MAP3K15: variants seen among roughly 807,000 people sequenced by gnomAD.
The protein encoded by MAP3K15 is mitogen-activated protein kinase kinase kinase 15.
A neutral mutation model predicts 99.5 loss-of-function variants in MAP3K15; 124 were observed. The observed-to-expected ratio is 1.25, with a 90% CI of 1.08 to 1.45. MAP3K15 has a LOEUF of 1.45. MAP3K15 is among the 40% of genes most tolerant of loss of function. The pLI is 0.00. For synonymous variants in MAP3K15, 494 were observed against 439.6 expected (o/e 1.12, Z -1.55); for missense variants, 1,242 against 1,079.7 (o/e 1.15, Z -2.11).
At chrX:19,382,244 CAA>C (rs1047109372) in intron 18 of MAP3K15, among the ~76,000 whole-genome samples, 622 of 31,487 alleles carry the variant, frequency 0.02, 9 homozygotes, top group African/African-American at 0.063. Context: ...ACTCAGTCTC[CAA>C]AAAAAAAAAA....
intron 3 of MAP3K15, among the ~76,000 whole-genome samples, chrX:19,484,216 G>A (rs780818229): frequency 8.9e-6 from 1 of 111,781 alleles, no homozygotes; most frequent in South Asian, 3.7e-4. Flanking sequence ...ATTATTGTCT[G>A]AACTCCACCT....
At chrX:19,398,170 T>C in intron 15 of MAP3K15, 56 bp downstream of exon 15, 1 of 1,189,023 alleles carries the variant, frequency 8.4e-7, no homozygotes, top group Non-Finnish European at 1.1e-6. Flanking sequence ...GCGGTGGGTA[T>C]GGGATCTGGG....
At chrX:19,441,926 C>T (rs937390514) in intron 6 of MAP3K15, among the ~76,000 whole-genome samples, 1 of 111,878 alleles carries the variant, frequency 8.9e-6, no homozygotes, top group Non-Finnish European at 1.9e-5. Flanking sequence ...AGACTGAGTT[C>T]ACCAAGAAAT....
intron 13 of MAP3K15, among the ~76,000 whole-genome samples, chrX:19,402,639 T>A (rs1429060673): frequency 1.8e-5 from 2 of 111,326 alleles, no homozygotes; most frequent in African/African-American, 6.5e-5. Context: ...AAGAATGAAC[T>A]GATATATACT....
rs1602324325 is a variant in MAP3K15, at chrX:19,456,717, T to C, written c.995+196A>G. Among the ~76,000 whole-genome samples, 4 of 111,838 alleles carry C rather than the reference T, an allele frequency of 3.6e-5. No individual in the cohort carries two copies. In the South Asian group the frequency reaches 1.5e-3, roughly 42 times the overall value. On this transcript the variant is annotated intron_variant, in intron 6 of 28. Coordinates refer to ENST00000338883, the MANE Select transcript of MAP3K15 (RefSeq NM_001001671.4). The stretch of plus-strand genomic sequence containing the variant: ...TGCCGTCATAAGCTATTAGGATGGA[T>C]TGATGTGTTCAATCTCACAGCTAGA...
At chrX:19,495,517 A>T (rs367712466) in intron 1 of MAP3K15, among the ~76,000 whole-genome samples, 4 of 110,345 alleles carry the variant, frequency 3.6e-5, no homozygotes, top group East Asian at 5.7e-4. Flanking sequence ...CCAGTATCAA[A>T]TTTTTTTGTA....
At chrX:19,430,595 G>A (rs2063873139) in intron 7 of MAP3K15, among the ~76,000 whole-genome samples, 1 of 111,574 alleles carries the variant, frequency 9.0e-6, no homozygotes, top group Non-Finnish European at 1.9e-5. Context: ...GAGTACTCTT[G>A]TTAAAATGCA....
At chrX:19,404,114 C>T (rs1418822895) in intron 13 of MAP3K15, among the ~76,000 whole-genome samples, 1 of 111,250 alleles carries the variant, frequency 9.0e-6, no homozygotes, top group Non-Finnish European at 1.9e-5. Context: ...ACATAGAAAA[C>T]CCTAAGGAAT....
chrX:19,378,348 C>T (rs1409531181), intron 19 of MAP3K15, among the ~76,000 whole-genome samples: 1 of 112,356 alleles, frequency 8.9e-6, no homozygotes, highest in African/African-American at 3.2e-5. Context: ...TGTTCTCATG[C>T]TGCTATGAAG....
chrX:19,440,318 G>A (rs1472376114), intron 6 of MAP3K15, among the ~76,000 whole-genome samples: 1 of 112,146 alleles, frequency 8.9e-6, no homozygotes, highest in Non-Finnish European at 1.9e-5. Flanking sequence ...ACTTAGAGTG[G>A]TCTTTGTTTC....
At position 19,460,126 on chromosome X, in the gene MAP3K15, A is replaced by G. The variant is rs774953938; in HGVS notation, c.747T>C (p.Asn249=). 1 of 1,189,529 alleles carries G rather than the reference A, an allele frequency of 8.4e-7. No homozygotes were observed. Among genetic ancestry groups the G allele is most frequent in the Admixed American group, 2.3e-5 (1 of 43,886 alleles). The change falls in exon 5 of 29, where the codon AAT becomes AAC. Residue 249 remains asparagine (N), a synonymous_variant. Coordinates refer to ENST00000338883, the MANE Select transcript of MAP3K15 (RefSeq NM_001001671.4). ...SCVYYKETLL[N]DIRKAREKYQ... Reference sequence around the variant, plus strand: ...ATTTCTCTCTGGCTTTCCGGATGTCATTTAACAAGGTTTCTTTGTAATAAA... The same window carrying G: ...ATTTCTCTCTGGCTTTCCGGATGTCGTTTAACAAGGTTTCTTTGTAATAAA...
chrX:19,455,347 CTT>C (rs776661644), intron 6 of MAP3K15, among the ~76,000 whole-genome samples: 7 of 94,576 alleles, frequency 7.4e-5, no homozygotes, highest in Admixed American at 2.3e-4. Flanking sequence ...TTTCTTTTTT[CTT>C]TTTTTTTTTT....
intron 1 of MAP3K15, among the ~76,000 whole-genome samples, chrX:19,498,153 G>A (rs112871315): frequency 6.3e-4 from 70 of 111,984 alleles, no homozygotes; most frequent in African/African-American, 2.2e-3. Flanking sequence ...TCCTAATGTA[G>A]TTATTCCAAT....
intron 7 of MAP3K15, 147 bp downstream of exon 7, chrX:19,431,291 T>G (rs1052055442): frequency 2.8e-5 from 14 of 500,815 alleles, no homozygotes; most frequent in Non-Finnish European, 4.3e-5. Flanking sequence ...AAAGGGAATC[T>G]GAAAATTCCC....
intron 1 of MAP3K15, among the ~76,000 whole-genome samples, chrX:19,508,077 A>G (rs1369108512): frequency 9.0e-6 from 1 of 110,974 alleles, no homozygotes; most frequent in African/African-American, 3.3e-5. Context: ...CATGTGGGCC[A>G]GGCTGGTCTC....
rs1278863609 is a variant in MAP3K15, at chrX:19,360,744, T to G, written c.*5A>C. On this transcript the variant is annotated 3_prime_UTR_variant, in exon 29 of 29. Transcript: ENST00000338883. ...GACACTCTGCCACAGCTTAGCTGAT[T>G]GGTATCAAGCCTTGTCTTTGGTTTC... is the stretch of plus-strand genomic sequence containing the variant. 1 of 1,197,347 alleles carries G rather than the reference T, an allele frequency of 8.4e-7. No homozygotes were observed. Among genetic ancestry groups the G allele is most frequent in the Admixed American group, 2.2e-5 (1 of 45,127 alleles).
rs1190801466 is a variant in MAP3K15 at position 19,515,305 on chromosome X, T to C, written c.-44A>G. The C allele has an allele frequency of 5.3e-5, 43 of 817,969 alleles. No individual in the cohort carries two copies. The East Asian group carries it at 2.3e-3, about 43-fold the overall frequency. 67.4% of individuals were successfully genotyped at this position (817,969 alleles called of 1,213,427 possible). On this transcript the variant is annotated 5_prime_UTR_variant, in exon 1 of 29. Coordinates refer to ENST00000338883, the MANE Select transcript of MAP3K15 (RefSeq NM_001001671.4). ...TTCCCCTGGGCGAGTGGCCAGCGGCTGCGATCCGCTAGGAGGCACAAGTTA... is the reference window on the plus strand; with the variant it reads ...TTCCCCTGGGCGAGTGGCCAGCGGCCGCGATCCGCTAGGAGGCACAAGTTA...
rs910869865 is a variant in MAP3K15, at chrX:19,497,619, C to T, written c.362-8652G>A. Reference sequence around the variant, plus strand: ...ACTGGAGACCAATGAAGCACTTTTACAATATCAACAATTTTCATTTCCTTT... The same window carrying T: ...ACTGGAGACCAATGAAGCACTTTTATAATATCAACAATTTTCATTTCCTTT... On this transcript the variant is annotated intron_variant, in intron 1 of 28. Coordinates refer to ENST00000338883, the MANE Select transcript of MAP3K15 (RefSeq NM_001001671.4). 37 of 111,507 alleles carry T rather than the reference C, an allele frequency of 3.3e-4. No individual in the cohort carries two copies. The Admixed American group carries it at 3.6e-3, about 11-fold the overall frequency. 9.2% of individuals were successfully genotyped at this position (111,507 alleles called of 1,213,427 possible). A position where few individuals can be genotyped will look rare whatever the true frequency, so the allele number is the denominator to read the frequency against.
chrX:19,461,326 C>A (rs1434721548), intron 4 of MAP3K15, among the ~76,000 whole-genome samples: 1 of 111,248 alleles, frequency 9.0e-6, no homozygotes, highest in African/African-American at 3.3e-5. Context: ...AACTCCTGGA[C>A]TCAAGTGATC....
Sources: gnomAD v4.1 joint callset for allele counts (sites outside exome capture counted in the v4.1 genomes callset) on GRCh38, gnomAD v4.1.1 for gene constraint, MANE v1.5 for transcripts, NCBI Gene and HGNC (gene_info 2026-07-23, HGNC 2026-07-21) for gene names.